Variants in PITRM1 observed in about 807,000 individuals in gnomAD.
PITRM1 encodes pitrilysin metallopeptidase 1, also known as presequence protease, mitochondrial.
In PITRM1, 100 loss-of-function variants were observed where a neutral mutation model predicts 129.9. The ratio of observed to expected loss-of-function variants is 0.77; its 90% CI spans 0.65 to 0.91. PITRM1 has a LOEUF of 0.91. Among genes scored for constraint, PITRM1 ranks in the 40% least tolerant of loss-of-function variants. The pLI is 0.00. For missense variants in PITRM1, 1,471 were observed against 1,318.3 expected, an observed-to-expected ratio of 1.12 and a Z score of -1.79; for synonymous variants, 591 against 508.8, an observed-to-expected ratio of 1.16 and a Z score of -2.17.
chr10:3,143,987 G>GTGAGTTGCCCGGGAGGAGA (rs1840556988), intron 22 of PITRM1: 1 of 543,968 alleles, frequency 1.8e-6, no homozygotes, highest in Non-Finnish European at 3.3e-6. Context: ...TCAAAGAAGG[G>GTGAGTTGCCCGGGAGGAGA]TGAGTTGCCC....
intron 22 of PITRM1, 121 bp downstream of exon 22, chr10:3,144,171 C>A: frequency 1.5e-6 from 1 of 650,792 alleles, no homozygotes; most frequent in South Asian, 1.9e-5. Flanking sequence ...GAACTCGCAA[C>A]TCTAGGGACA....
intron 14 of PITRM1, among the ~76,000 whole-genome samples, chr10:3,154,941 A>G (rs1014706006): frequency 4.6e-5 from 7 of 152,130 alleles, no homozygotes; most frequent in Non-Finnish European, 7.3e-5. Context: ...ATTGCCTCTC[A>G]GCAGTTTTCT....
intron 18 of PITRM1, 65 bp from the exon 19 acceptor site, chr10:3,147,802 A>T: frequency 2.8e-6 from 4 of 1,439,692 alleles, no homozygotes; most frequent in Non-Finnish European, 3.8e-6. Context: ...AGTATCATGG[A>T]AAGTTGATTA....
rs752391392 is a variant in PITRM1, at chr10:3,147,234, C to T, written c.2252G>A (p.Arg751Lys). ...SGMDQVRLMK[R>K]IAEMTDIKPI... Reference sequence around the variant, plus strand: ...TTTGATATCTGTCATTTCTGCAATCCTCTTCATCAGCCGCACCTAAGCCAG... The same window carrying T: ...TTTGATATCTGTCATTTCTGCAATCTTCTTCATCAGCCGCACCTAAGCCAG... Residue 751 changes from arginine to lysine, a missense_variant, in exon 20 of 27, where the codon AGG becomes AAG. Physicochemically the swap from Arg to Lys is conservative, Grantham distance 26. Transcript: ENST00000224949. 5 of 1,612,374 alleles carry T rather than the reference C, an allele frequency of 3.1e-6. No homozygotes were observed. The highest frequency in any genetic ancestry group is 4.2e-6 in the Non-Finnish European group (5 of 1,178,632).
intron 7 of PITRM1, among the ~76,000 whole-genome samples, chr10:3,161,995 A>G (rs1588701776): frequency 6.7e-6 from 1 of 148,282 alleles, no homozygotes; most frequent in African/African-American, 2.4e-5. Context: ...ACATGGCGAG[A>G]CTCTGTCTCT....
intron 25 of PITRM1, 72 bp from the exon 26 acceptor site, chr10:3,138,409 C>T: frequency 1.0e-6 from 1 of 964,984 alleles, no homozygotes; most frequent in Non-Finnish European, 1.7e-6. Flanking sequence ...CACTCATGTC[C>T]CGGAGGGGAC....
At chr10:3,162,792 T>C (rs1842557436) in intron 7 of PITRM1, among the ~76,000 whole-genome samples, 1 of 152,206 alleles carries the variant, frequency 6.6e-6, no homozygotes, top group African/African-American at 2.4e-5. Context: ...AAACTGGGCC[T>C]GCACACTCCT....
intron 11 of PITRM1, 64 bp from the exon 12 acceptor site, chr10:3,157,595 A>C: frequency 9.2e-7 from 1 of 1,086,322 alleles, no homozygotes; most frequent in Non-Finnish European, 1.4e-6. Flanking sequence ...TAATCCCAGC[A>C]CTTTGGGAGG....
At chr10:3,138,497 C>A (rs2388558) in intron 25 of PITRM1, 160 bp from the exon 26 acceptor site, 182,597 of 645,094 alleles carry the variant, frequency 0.28, 26,521 homozygotes, top group African/African-American at 0.39. Flanking sequence ...CACACCCCGA[C>A]CTCCAGCTCC....
At position 3,138,891 on chromosome 10, in the gene PITRM1, A is replaced by G. The variant is rs1441283904; in HGVS notation, c.2917+13T>C. On this transcript the variant is annotated intron_variant, in intron 25 of 26. Coordinates refer to ENST00000224949, the MANE Select transcript of PITRM1 (RefSeq NM_014889.4). ...GCTGTGGGTTGAGATTCTCACTGTT[A>G]TACTCAAAATACCTTTGTCTGAAGG... 1.2e-6 allele frequency: 2 copies of G among 1,613,310 alleles called. No homozygotes were observed. The highest frequency in any genetic ancestry group is 1.3e-5 in the African/African-American group (1 of 74,912).
In PITRM1 at chr10:3,138,994, T is replaced by C. The variant is rs201649168; in HGVS notation, c.2827A>G (p.Lys943Glu). 2.6e-4 allele frequency: 425 copies of C among 1,613,650 alleles called. No homozygotes were observed. Among genetic ancestry groups the C allele is most frequent in the Middle Eastern group, 4.9e-4 (3 of 6,084 alleles). ...TCTTGCTGTGTGAATTTTCCAGACT[T>C]AGCCCAGTCGACAGCCTTCCCAAAA... The part of the protein sequence containing the change: ...QSFGKAVDWA[K>E]SGKFTQQDID... The change falls in exon 25 of 27, where the codon AAG becomes GAG. Residue 943 changes from lysine (K) to glutamate (E), a missense_variant. By Grantham distance (56) the Lys-to-Glu change is moderately conservative (BLOSUM62 1). Coordinates refer to ENST00000224949, the MANE Select transcript of PITRM1 (RefSeq NM_014889.4).
At chr10:3,160,981 G>A (rs977447025) in intron 7 of PITRM1, among the ~76,000 whole-genome samples, 7 of 152,024 alleles carry the variant, frequency 4.6e-5, no homozygotes, top group South Asian at 4.1e-4. Context: ...GGCTGGTCTC[G>A]AACTCCTGAC....
chr10:3,150,161 G>A (rs903142138), intron 15 of PITRM1, among the ~76,000 whole-genome samples: 1 of 151,998 alleles, frequency 6.6e-6, no homozygotes, highest in Admixed American at 6.6e-5. Flanking sequence ...GCTGCCCCAG[G>A]GCCCCAAACA....
Position 3,143,426 on chromosome 10 carries a change from T to G in PITRM1, c.2608A>C (p.Ile870Leu). The change falls in exon 23 of 27, where the codon ATC (isoleucine) becomes CTC (leucine). Residue 870 changes from isoleucine to leucine, a missense_variant. Transcript: ENST00000224949. Reference protein sequence around the residue: ...PFPVNYVGECIRTVPYTDPDH... With the variant: ...PFPVNYVGECLRTVPYTDPDH... The stretch of plus-strand genomic sequence containing the variant: ...GGGTCCGTGTAGGGGACAGTTCGGA[T>G]GCATTCACCCACGTAATTCACCGGG... The G allele has an allele frequency of 6.2e-7, 1 of 1,613,552 alleles. No homozygotes were observed. The highest frequency in any genetic ancestry group is 8.5e-7 in the Non-Finnish European group (1 of 1,179,494).
At chr10:3,138,164 T>C in intron 26 of PITRM1, 40 bp from the exon 27 acceptor site, 2 of 1,572,498 alleles carry the variant, frequency 1.3e-6, no homozygotes, top group Non-Finnish European at 8.7e-7. Flanking sequence ...GACTGGCTTC[T>C]GCGTGAGCGC....
At chr10:3,171,146 TTAAAA>T (rs1199738238) in intron 1 of PITRM1, among the ~76,000 whole-genome samples, 13 of 36,264 alleles carry the variant, frequency 3.6e-4, no homozygotes, top group African/African-American at 8.2e-4. Flanking sequence ...AATCGTTCAA[TTAAAA>T]AAAAAAAAAA....
intron 14 of PITRM1, among the ~76,000 whole-genome samples, chr10:3,151,918 AT>A (rs942316496): frequency 1.1e-4 from 16 of 146,778 alleles, no homozygotes; most frequent in Middle Eastern, 3.5e-3. Flanking sequence ...GTTTATTTTT[AT>A]TTTTTTTTTG....
chr10:3,171,147 TAAAAAAAAAAAAAAAAAAA>T lies in PITRM1; in HGVS notation c.57-960_57-942del, dbSNP rs1169315061. On this transcript the variant is annotated intron_variant, in intron 1 of 26. Transcript: ENST00000224949. The stretch of plus-strand genomic sequence containing the variant: ...ATAAAGTGCGGACTAATCGTTCAAT[TAAAAAAAAAAAAAAAAAAA>T]AAAAAAAAAAAAAAAAAACCTTACC... Among the ~76,000 whole-genome samples the T allele has an allele frequency of 1.2e-4, 6 of 49,204 alleles. No individual in the cohort carries two copies. In the South Asian group the frequency reaches 2.9e-3, roughly 24 times the overall value. 32.3% of individuals were successfully genotyped at this position (49,204 alleles called of 152,430 possible). A position where few individuals can be genotyped will look rare whatever the true frequency, so the allele number is the denominator to read the frequency against.
At chr10:3,172,654 C>T (rs1843487468) in intron 1 of PITRM1, 63 bp downstream of exon 1, 9 of 1,440,446 alleles carry the variant, frequency 6.2e-6, no homozygotes, top group Non-Finnish European at 6.5e-6. Context: ...CGCCTCCGGC[C>T]TGCCCTGGAC....
Sources: gnomAD v4.1 joint callset for allele counts (sites outside exome capture counted in the v4.1 genomes callset) on GRCh38, gnomAD v4.1.1 for gene constraint, MANE v1.5 for transcripts, NCBI Gene and HGNC (gene_info 2026-07-23, HGNC 2026-07-21) for gene names.